ERBB4: variants seen among roughly 807,000 people sequenced by gnomAD.
ERBB4 encodes the protein erb-b2 receptor tyrosine kinase 4, also known as receptor tyrosine-protein kinase erbB-4.
In ERBB4, 42 loss-of-function variants were observed where a neutral mutation model predicts 158.0. That is an observed-to-expected ratio of 0.27 (90% CI 0.21 to 0.34). The LOEUF (loss-of-function observed/expected upper bound fraction) is 0.34. ERBB4 is among the 10% of genes least tolerant of loss of function. The pLI is 1.00. For synonymous variants in ERBB4, 583 were observed against 558.7 expected (o/e 1.04, Z -0.61); for missense variants, 1,333 against 1,624.1 (o/e 0.82, Z 3.08).
At chr2:211,807,522 T>C (rs71437531) in intron 3 of ERBB4, among the ~76,000 whole-genome samples, 1 of 152,358 alleles carries the variant, frequency 6.6e-6, no homozygotes, top group Middle Eastern at 3.4e-3. Flanking sequence ...ATGTGCCACA[T>C]TTTCTTAATC....
intron 2 of ERBB4, among the ~76,000 whole-genome samples, chr2:212,070,798 T>C (rs1039455508): frequency 6.6e-6 from 1 of 152,016 alleles, no homozygotes; most frequent in Non-Finnish European, 1.5e-5. Context: ...TTTCTTTAAA[T>C]ACATTTAGTT....
chr2:212,205,671 T>C (rs1376130470), intron 1 of ERBB4, among the ~76,000 whole-genome samples: 1 of 152,178 alleles, frequency 6.6e-6, no homozygotes, highest in Non-Finnish European at 1.5e-5. Flanking sequence ...GTCATAAGCA[T>C]TGTTACATAT....
intron 3 of ERBB4, among the ~76,000 whole-genome samples, chr2:211,887,041 T>C (rs1417552419): frequency 2.0e-5 from 3 of 152,202 alleles, no homozygotes; most frequent in African/African-American, 7.2e-5. Flanking sequence ...ACTCATTTTT[T>C]GGACTTTTTT....
intron 3 of ERBB4, among the ~76,000 whole-genome samples, chr2:211,834,074 T>C (rs1037158842): frequency 6.6e-6 from 1 of 152,126 alleles, no homozygotes; most frequent in African/African-American, 2.4e-5. Flanking sequence ...CCTTCCGCAA[T>C]TTGCTACCAT....
intron 20 of ERBB4, among the ~76,000 whole-genome samples, chr2:211,478,866 G>T (rs2065019341): frequency 6.6e-6 from 1 of 152,042 alleles, no homozygotes; most frequent in Non-Finnish European, 1.5e-5. Flanking sequence ...ATCTTCAAAT[G>T]TGCATTATCC....
chr2:212,511,879 G>T (rs115736658), intron 1 of ERBB4, among the ~76,000 whole-genome samples: 2 of 151,922 alleles, frequency 1.3e-5, no homozygotes, highest in Middle Eastern at 3.2e-3. Flanking sequence ...GATGGCATTC[G>T]TGTCACCATC....
At chr2:212,455,238 G>T (rs555331132) in intron 1 of ERBB4, among the ~76,000 whole-genome samples, 2 of 152,054 alleles carry the variant, frequency 1.3e-5, no homozygotes, top group Non-Finnish European at 2.9e-5. Flanking sequence ...CCTTCAAGGG[G>T]TTATTTTTAA....
intron 1 of ERBB4, among the ~76,000 whole-genome samples, chr2:212,316,214 GA>G (rs2087270945): frequency 6.6e-6 from 1 of 151,206 alleles, no homozygotes; most frequent in Non-Finnish European, 1.5e-5. Flanking sequence ...CTTTTTGGAT[GA>G]TTTTTTTTCT....
intron 1 of ERBB4, among the ~76,000 whole-genome samples, chr2:212,191,828 A>G (rs1271085540): frequency 7.1e-6 from 1 of 141,250 alleles, no homozygotes; most frequent in East Asian, 2.0e-4. Context: ...TATATGTTCT[A>G]TGTTATATAT....
intron 20 of ERBB4, among the ~76,000 whole-genome samples, chr2:211,470,007 G>A (rs557998120): frequency 6.6e-6 from 1 of 151,912 alleles, no homozygotes; most frequent in Non-Finnish European, 1.5e-5. Context: ...TTGAAAACAT[G>A]AGGAACAAGG....
At chr2:212,378,384 T>C (rs533532928) in intron 1 of ERBB4, among the ~76,000 whole-genome samples, 1 of 151,792 alleles carries the variant, frequency 6.6e-6, no homozygotes, top group Non-Finnish European at 1.5e-5. Context: ...TAACTGACTA[T>C]CCTGTTTTAG....
chr2:212,522,640 GACTT>G (rs1468475133), intron 1 of ERBB4, among the ~76,000 whole-genome samples: 2 of 151,896 alleles, frequency 1.3e-5, no homozygotes, highest in Non-Finnish European at 2.9e-5. Context: ...GCATTGGATA[GACTT>G]ACTTCTTGTT....
chr2:212,352,283 G>A (rs2089285338), intron 1 of ERBB4, among the ~76,000 whole-genome samples: 1 of 148,644 alleles, frequency 6.7e-6, no homozygotes, highest in Non-Finnish European at 1.5e-5. Flanking sequence ...GTATACCAAT[G>A]TAACAAACCT....
At chr2:212,191,975 T>TATATATA (rs2082261508) in intron 1 of ERBB4, among the ~76,000 whole-genome samples, 1 of 102,712 alleles carries the variant, frequency 9.7e-6, no homozygotes, top group African/African-American at 3.6e-5. Context: ...TGTTATATGT[T>TATATATA]ATATATGTTA....
At chr2:212,420,964 A>C (rs756303485) in intron 1 of ERBB4, among the ~76,000 whole-genome samples, 1 of 152,150 alleles carries the variant, frequency 6.6e-6, no homozygotes, top group Non-Finnish European at 1.5e-5. Flanking sequence ...GTTTCTGCAA[A>C]CTTGGAGATT....
At chr2:211,722,269 A>T in intron 7 of ERBB4, 124 bp downstream of exon 7, 1 of 759,378 alleles carries the variant, frequency 1.3e-6, no homozygotes, top group South Asian at 1.6e-5. Flanking sequence ...TGGGGGCAAT[A>T]GTATCTATAC....
intron 2 of ERBB4, 98 bp from the exon 3 acceptor site, chr2:211,947,714 CAGTTTTT>C: frequency 9.8e-7 from 1 of 1,019,832 alleles, no homozygotes; most frequent in Non-Finnish European, 1.5e-6. Context: ...CTCTAATTTT[CAGTTTTT>C]AGTTTAATAC....
chr2:211,532,801 C>G (rs751941381), intron 20 of ERBB4, among the ~76,000 whole-genome samples: 6 of 151,860 alleles, frequency 4.0e-5, no homozygotes, highest in Non-Finnish European at 8.8e-5. Flanking sequence ...AAATAAGAAA[C>G]CACCCACGTA....
intron 1 of ERBB4, among the ~76,000 whole-genome samples, chr2:212,471,563 A>G (rs563704755): frequency 6.6e-6 from 1 of 152,042 alleles, no homozygotes; most frequent in Non-Finnish European, 1.5e-5. Flanking sequence ...TTTCTTATCC[A>G]TCTGTGCAAA....
Sources: gnomAD v4.1 joint callset for allele counts (sites outside exome capture counted in the v4.1 genomes callset) on GRCh38, gnomAD v4.1.1 for gene constraint, MANE v1.5 for transcripts, NCBI Gene and HGNC (gene_info 2026-07-23, HGNC 2026-07-21) for gene names.